The following MPPED2 variants were observed in gnomAD, a reference collection of about 807,000 sequenced individuals.
MPPED2 encodes metallophosphoesterase MPPED2.
MPPED2 carries 5 observed loss-of-function variants against 33.0 expected under a neutral mutation model. That is an observed-to-expected ratio of 0.15 (90% CI 0.08 to 0.32). The LOEUF (loss-of-function observed/expected upper bound fraction) is 0.32. Ranked by LOEUF, MPPED2 falls within the 10% of genes least tolerant of loss-of-function variation. The pLI is 1.00. For missense variants in MPPED2, 275 were observed against 372.1 expected (o/e 0.74, Z 2.15); for synonymous variants, 136 against 141.9 (o/e 0.96, Z 0.29).
chr11:30,469,788 A>G (rs1476027455), intron 4 of MPPED2, among the ~76,000 whole-genome samples: 1 of 152,218 alleles, frequency 6.6e-6, no homozygotes, highest in Non-Finnish European at 1.5e-5. Flanking sequence ...CCCATTGATT[A>G]GCAGGCAAAT....
chr11:30,559,859 T>G lies in MPPED2; in HGVS notation c.128+20387A>C, dbSNP rs189125383. On this transcript the variant is annotated intron_variant, in intron 2 of 6. Coordinates refer to ENST00000358117, the MANE Select transcript of MPPED2 (RefSeq NM_001584.3). The stretch of plus-strand genomic sequence containing the variant: ...GAAAATAGTCTTCACATGTATTTCC[T>G]TTTTGAAAATAGTCTTCACATTATG... Among the ~76,000 whole-genome samples the G allele has an allele frequency of 2.2e-4, 34 of 152,366 alleles. No individual in the cohort carries two copies. In the East Asian group the frequency reaches 6.0e-3, roughly 27 times the overall value.
At chr11:30,404,517 A>C (rs1590162341) in intron 6 of MPPED2, among the ~76,000 whole-genome samples, 1 of 152,186 alleles carries the variant, frequency 6.6e-6, no homozygotes, top group Admixed American at 6.5e-5. Context: ...TGGGATTGAC[A>C]CTGCCATTAG....
intron 4 of MPPED2, among the ~76,000 whole-genome samples, chr11:30,447,753 A>G (rs1217582347): frequency 6.6e-6 from 1 of 152,180 alleles, no homozygotes; most frequent in East Asian, 1.9e-4. Context: ...GCTGATAGCT[A>G]GAGGGGTCTG....
chr11:30,550,815 G>C (rs1955673447), intron 2 of MPPED2, among the ~76,000 whole-genome samples: 1 of 152,060 alleles, frequency 6.6e-6, no homozygotes, highest in African/African-American at 2.4e-5. Flanking sequence ...AGTAATGCTG[G>C]GTTTCTGAGT....
At chr11:30,464,765 T>C (rs1950640826) in intron 4 of MPPED2, among the ~76,000 whole-genome samples, 1 of 152,238 alleles carries the variant, frequency 6.6e-6, no homozygotes, top group South Asian at 2.1e-4. Flanking sequence ...AAAATTATAA[T>C]TTCATAATTT....
rs1948061669 is a variant in MPPED2 at position 30,410,412 on chromosome 11, T to A, written c.*1056A>T. The A allele has an allele frequency of 1.0e-6, 1 of 985,646 alleles. No homozygotes were observed. Among genetic ancestry groups the A allele is most frequent in the Non-Finnish European group, 1.2e-6 (1 of 829,874 alleles). 61.1% of individuals were successfully genotyped at this position (985,646 alleles called of 1,614,324 possible). A position where few individuals can be genotyped will look rare whatever the true frequency, so the allele number is the denominator to read the frequency against. ...CGACAATATTTTGTGCTAGCGAAGATTGCATCGACACACAGTGCAAAATGG... is the reference window on the plus strand; with the variant it reads ...CGACAATATTTTGTGCTAGCGAAGAATGCATCGACACACAGTGCAAAATGG... On this transcript the variant is annotated 3_prime_UTR_variant, in exon 7 of 7. Coordinates refer to ENST00000358117, the MANE Select transcript of MPPED2 (RefSeq NM_001584.3).
intron 6 of MPPED2, among the ~76,000 whole-genome samples, chr11:30,412,326 G>T (rs1948144877): frequency 6.6e-6 from 1 of 150,896 alleles, no homozygotes; most frequent in African/African-American, 2.4e-5. Context: ...CTAGGTCTTT[G>T]GTATATATGT....
chr11:30,428,807 G>A (rs1368003743), intron 4 of MPPED2, among the ~76,000 whole-genome samples: 2 of 152,130 alleles, frequency 1.3e-5, no homozygotes, highest in African/African-American at 2.4e-5. Context: ...CAGACAGCCT[G>A]CCTATATAGA....
At position 30,564,611 on chromosome 11, in the gene MPPED2, C is replaced by T. The variant is rs184241102; in HGVS notation, c.128+15635G>A. Among the ~76,000 whole-genome samples, 113 of 152,276 alleles carry T rather than the reference C, an allele frequency of 7.4e-4. 1 individual carries two copies. Among genetic ancestry groups the T allele is most frequent in the Middle Eastern group, 3.4e-3 (1 of 292 alleles). ...TTTGGCAGTATGCTTCTGGAAACCA[C>T]GTTCTTAAACACTATATTGCTTCCC... On this transcript the variant is annotated intron_variant, in intron 2 of 6. Transcript: ENST00000358117.
At chr11:30,568,682 C>CA (rs759892895) in intron 2 of MPPED2, among the ~76,000 whole-genome samples, 54 of 152,088 alleles carry the variant, frequency 3.6e-4, no homozygotes, top group Middle Eastern at 3.2e-3. Flanking sequence ...CCCTAGCATA[C>CA]AAAAAACGCA....
At chr11:30,502,078 A>G (rs1006278214) in intron 3 of MPPED2, among the ~76,000 whole-genome samples, 9 of 151,910 alleles carry the variant, frequency 5.9e-5, no homozygotes, top group African/African-American at 2.2e-4. Context: ...GCTTAAAAAA[A>G]TTAAGAGGAA....
chr11:30,541,962 A>G (rs917571512), intron 2 of MPPED2, among the ~76,000 whole-genome samples: 2 of 152,242 alleles, frequency 1.3e-5, no homozygotes, highest in African/African-American at 4.8e-5. Context: ...AAATTTAGAT[A>G]GCATTAATGC....
intron 2 of MPPED2, among the ~76,000 whole-genome samples, chr11:30,569,940 A>G (rs1257464412): frequency 6.6e-6 from 1 of 152,166 alleles, no homozygotes; most frequent in African/African-American, 2.4e-5. Flanking sequence ...ATCGTAACTG[A>G]CAAGGAAGAG....
At chr11:30,479,826 A>G (rs1565108972) in intron 4 of MPPED2, among the ~76,000 whole-genome samples, 1 of 152,126 alleles carries the variant, frequency 6.6e-6, no homozygotes, top group Non-Finnish European at 1.5e-5. Context: ...TTTTTTAGAA[A>G]ATAAAAAAAA....
rs371620677 is a variant in MPPED2, at chr11:30,567,838, G to A, written c.128+12408C>T. On this transcript the variant is annotated intron_variant, in intron 2 of 6. Coordinates refer to ENST00000358117, the MANE Select transcript of MPPED2 (RefSeq NM_001584.3). The stretch of plus-strand genomic sequence containing the variant: ...GAGAGTTACACTGTCTCAGGCAGCA[G>A]GCAAGGAGCTAAGTGTTTATTAAGT... 1.4e-3 allele frequency among the ~76,000 whole-genome samples: 219 copies of A among 152,344 alleles called. 1 individual carries two copies. The highest frequency in any genetic ancestry group is 5.1e-3 in the African/African-American group (211 of 41,578).
At chr11:30,585,893 C>G (rs1270092485) in intron 1 of MPPED2, 149 bp downstream of exon 1, 1 of 152,270 alleles carries the variant, frequency 6.6e-6, no homozygotes, top group Non-Finnish European at 1.5e-5. Context: ...AGCCTCCGAG[C>G]CCCTCGCACG....
At chr11:30,455,922 G>T (rs1950261711) in intron 4 of MPPED2, among the ~76,000 whole-genome samples, 1 of 152,222 alleles carries the variant, frequency 6.6e-6, no homozygotes, top group African/African-American at 2.4e-5. Context: ...GAGGCTCCAT[G>T]ACTCTGTTTC....
intron 4 of MPPED2, among the ~76,000 whole-genome samples, chr11:30,438,028 A>T (rs1949399139): frequency 6.6e-6 from 1 of 152,190 alleles, no homozygotes; most frequent in African/African-American, 2.4e-5. Flanking sequence ...TGGGTATAAT[A>T]GTAGTTCTTC....
intron 3 of MPPED2, among the ~76,000 whole-genome samples, chr11:30,525,403 C>T (rs76694929): frequency 1.3e-3 from 199 of 152,154 alleles, no homozygotes; most frequent in Non-Finnish European, 2.1e-3. Flanking sequence ...TTCAAAGAGC[C>T]GCTTTTTTAT....
Sources: allele counts gnomAD v4.1 joint callset (sites outside exome capture counted in the v4.1 genomes callset), GRCh38; gene constraint gnomAD v4.1.1; transcripts MANE v1.5; gene names NCBI Gene and HGNC (gene_info 2026-07-23, HGNC 2026-07-21).